The following SELENOF variants were observed in gnomAD, a reference collection of about 807,000 sequenced individuals.
The protein encoded by SELENOF is 15 kDa selenoprotein.
In SELENOF, 16 loss-of-function variants were observed where a neutral mutation model predicts 20.5. The observed-to-expected ratio is 0.78, with a 90% CI of 0.53 to 1.19. The LOEUF is 1.19. Ranked by LOEUF, SELENOF falls within the 50% of genes most tolerant of loss-of-function variation. The probability of loss-of-function intolerance (pLI) is 0.00; values close to 1 mark genes in which losing one functional copy is unlikely to be tolerated. For missense variants in SELENOF, 215 were observed against 194.2 expected (o/e 1.11, Z -0.64); for synonymous variants, 78 against 74.5 (o/e 1.05, Z -0.24).
At chr1:86,892,540 T>A (rs1174742337) in intron 2 of SELENOF, among the ~76,000 whole-genome samples, 3 of 152,216 alleles carry the variant, frequency 2.0e-5, no homozygotes, top group Non-Finnish European at 4.4e-5. Context: ...GTTTTACACA[T>A]CAGTAGCATT....
At chr1:86,886,833 C>A (rs1473929638) in intron 2 of SELENOF, among the ~76,000 whole-genome samples, 2 of 152,132 alleles carry the variant, frequency 1.3e-5, no homozygotes, top group Admixed American at 1.3e-4. Flanking sequence ...AATAAGGAAG[C>A]ATGGCTATAG....
intron 1 of SELENOF, among the ~76,000 whole-genome samples, chr1:86,907,244 A>AATAC (rs1659853778): frequency 6.6e-6 from 1 of 152,212 alleles, no homozygotes; most frequent in South Asian, 2.1e-4. Flanking sequence ...GTAGGTACTG[A>AATAC]ATACATGTTG....
At chr1:86,900,152 C>T (rs1659653128) in intron 2 of SELENOF, among the ~76,000 whole-genome samples, 1 of 150,800 alleles carries the variant, frequency 6.6e-6, no homozygotes. Context: ...GATGGGCGGC[C>T]AGGCGGAGAC....
At chr1:86,865,640 A>G (rs1393140812) in intron 4 of SELENOF, among the ~76,000 whole-genome samples, 1 of 152,240 alleles carries the variant, frequency 6.6e-6, no homozygotes, top group Non-Finnish European at 1.5e-5. Context: ...ACAAGGATAT[A>G]GAGATATTGG....
At chr1:86,887,076 T>G in intron 2 of SELENOF, 1 of 1,389,584 alleles carries the variant, frequency 7.2e-7, no homozygotes. Context: ...CCATGTTTAG[T>G]GATCTACTGG....
chr1:86,892,551 CTCTT>C (rs1349307358), intron 2 of SELENOF, among the ~76,000 whole-genome samples: 1 of 152,190 alleles, frequency 6.6e-6, no homozygotes, highest in Non-Finnish European at 1.5e-5. Context: ...CAGTAGCATT[CTCTT>C]TCTGACAGCC....
chr1:86,891,819 G>C (rs927660110), intron 2 of SELENOF, among the ~76,000 whole-genome samples: 1 of 152,016 alleles, frequency 6.6e-6, no homozygotes, highest in Admixed American at 6.5e-5. Context: ...GGAATTTACC[G>C]AGTTGTTGTG....
chr1:86,867,936 T>A (rs1217593198), intron 4 of SELENOF, 117 bp downstream of exon 4: 1 of 430,908 alleles, frequency 2.3e-6, no homozygotes, highest in African/African-American at 2.1e-5. Flanking sequence ...AAATTTAAAT[T>A]GATACATAAT....
At chr1:86,903,163 T>C (rs1437120620) in intron 2 of SELENOF, 118 bp downstream of exon 2, 1 of 867,624 alleles carries the variant, frequency 1.2e-6, no homozygotes, top group Non-Finnish European at 1.7e-6. Context: ...CAGTTGAGTT[T>C]TACTAAAAAA....
In SELENOF at chr1:86,883,226, G is replaced by A. The variant is rs371397184; in HGVS notation, c.253-2501C>T. ...AAGTGAAATAAGGCAGTCACAAAAGGACAAATGTTTAAATGAGGTAACTAG... is the reference window on the plus strand; with the variant it reads ...AAGTGAAATAAGGCAGTCACAAAAGAACAAATGTTTAAATGAGGTAACTAG... On this transcript the variant is annotated intron_variant, in intron 2 of 4. Coordinates refer to ENST00000331835, the MANE Select transcript of SELENOF (RefSeq NM_004261.5). Among the ~76,000 whole-genome samples the A allele has an allele frequency of 5.8e-4, 88 of 152,120 alleles. 4 individuals carry two copies. The South Asian group carries it at 0.018, about 31-fold the overall frequency.
intron 3 of SELENOF, among the ~76,000 whole-genome samples, chr1:86,879,052 G>A (rs1393918717): frequency 6.6e-6 from 1 of 152,014 alleles, no homozygotes; most frequent in Non-Finnish European, 1.5e-5. Context: ...ATATATTACG[G>A]TAGATAATAA....
chr1:86,889,954 C>T (rs953725893), intron 2 of SELENOF, among the ~76,000 whole-genome samples: 1 of 152,078 alleles, frequency 6.6e-6, no homozygotes, highest in Non-Finnish European at 1.5e-5. Context: ...ATAAGTATTC[C>T]CCTCCGCCTT....
chr1:86,899,621 CGGCTGGCCTGGCGGGG>C (rs1557468626), intron 2 of SELENOF, among the ~76,000 whole-genome samples: 3 of 150,734 alleles, frequency 2.0e-5, no homozygotes, highest in African/African-American at 4.9e-5. Context: ...CCAGACGGGG[CGGCTGGCCTGGCGGGG>C]GGCTGACCCC....
At chr1:86,868,415 T>G (rs1658668151) in intron 3 of SELENOF, among the ~76,000 whole-genome samples, 2 of 152,116 alleles carry the variant, frequency 1.3e-5, no homozygotes, top group South Asian at 4.1e-4. Context: ...TAAAAAGATA[T>G]GGAGAGAGAA....
At chr1:86,914,292 G>C, upstream of SELENOF, 2 of 615,484 alleles carry the variant, frequency 3.2e-6, no homozygotes, top group Non-Finnish European at 5.8e-6. Context: ...GGGTGCTTTC[G>C]ATTACCCAAA....
intron 1 of SELENOF, 104 bp downstream of exon 1, chr1:86,913,924 G>A: frequency 1.9e-6 from 2 of 1,062,446 alleles, no homozygotes; most frequent in Non-Finnish European, 2.9e-6. Flanking sequence ...TTAAGGAAGC[G>A]CAGTCCTCCC....
intron 3 of SELENOF, among the ~76,000 whole-genome samples, chr1:86,872,026 AAT>A (rs968477215): frequency 5.5e-4 from 84 of 152,194 alleles, no homozygotes; most frequent in African/African-American, 3.9e-4. Flanking sequence ...TACAAGAAAA[AAT>A]AGTCATCACC....
chr1:86,880,490 A>G (rs943560812), intron 3 of SELENOF, among the ~76,000 whole-genome samples, 172 bp downstream of exon 3: 7 of 151,878 alleles, frequency 4.6e-5, no homozygotes, highest in Non-Finnish European at 7.4e-5. Flanking sequence ...CATAGCATTC[A>G]CCAATTACTT....
At chr1:86,884,754 TA>T in intron 2 of SELENOF, among the ~76,000 whole-genome samples, 1 of 152,352 alleles carries the variant, frequency 6.6e-6, no homozygotes, top group South Asian at 2.1e-4. Flanking sequence ...ATATAACTTC[TA>T]ACAGCAAGTT....
Sources: allele counts gnomAD v4.1 joint callset (sites outside exome capture counted in the v4.1 genomes callset), GRCh38; gene constraint gnomAD v4.1.1; transcripts MANE v1.5; gene names NCBI Gene and HGNC (gene_info 2026-07-23, HGNC 2026-07-21).